The following NXPE2 variants were observed in gnomAD, a reference collection of about 807,000 sequenced individuals.
The protein encoded by NXPE2 is NXPE family member 2.
A neutral mutation model predicts 34.4 loss-of-function variants in NXPE2; 34 were observed. The observed-to-expected ratio is 0.99, with a 90% CI of 0.75 to 1.31. The LOEUF is 1.31. NXPE2 is among the 40% of genes most tolerant of loss of function. The probability of loss-of-function intolerance (pLI) is 0.00; values close to 1 mark genes in which losing one functional copy is unlikely to be tolerated. For missense variants in NXPE2, 649 were observed against 672.5 expected, an observed-to-expected ratio of 0.97 and a Z score of 0.39; for synonymous variants, 235 against 231.3, an observed-to-expected ratio of 1.02 and a Z score of -0.15.
the NXPE2 span, among the ~76,000 whole-genome samples, chr11:114,778,887 G>A: frequency 2.6e-5 from 4 of 152,192 alleles, no homozygotes; most frequent in African/African-American, 9.7e-5. Context: ...AGGGATGGAG[G>A]AGGAAGACCT....
chr11:114,663,821 T>C, the NXPE2 span, among the ~76,000 whole-genome samples: 3 of 152,092 alleles, frequency 2.0e-5, no homozygotes, highest in Admixed American at 2.0e-4. Context: ...AGATGGATCA[T>C]CCAGAAAAGA....
the NXPE2 span, chr11:114,571,037 A>C: frequency 6.2e-7 from 1 of 1,613,574 alleles, no homozygotes; most frequent in Non-Finnish European, 8.5e-7. Flanking sequence ...TATCCCAGGC[A>C]TCAATGATAC....
rs1277391262 is a variant in NXPE2 at position 114,698,310 on chromosome 11, T to A, written c.398T>A (p.Leu133Gln). 6.2e-7 allele frequency: 1 copy of A among 1,614,026 alleles called. No homozygotes were observed. The highest frequency in any genetic ancestry group is 8.5e-7 in the Non-Finnish European group (1 of 1,179,946). The change falls in exon 3 of 6, where the codon CTG (leucine) becomes CAG (glutamine). Residue 133 changes from leucine to glutamine, a missense_variant. Coordinates refer to ENST00000389586, the MANE Select transcript of NXPE2 (RefSeq NM_182495.6). ...AGGGGGGATCAGCTGGACATCCTTC[T>A]GGAGGTGAGGGACCACTTGGGACAC... ...YCRGDQLDIL[L>Q]EVRDHLGHRK...
At chr11:114,632,583 T>G in the NXPE2 span, among the ~76,000 whole-genome samples, 6 of 111,044 alleles carry the variant, frequency 5.4e-5, no homozygotes, top group Admixed American at 4.2e-4. Context: ...ATCATATATT[T>G]ATTGTATATT....
the NXPE2 span, among the ~76,000 whole-genome samples, chr11:114,622,645 G>T: frequency 2.0e-5 from 3 of 151,894 alleles, no homozygotes; most frequent in African/African-American, 7.3e-5. Context: ...GTGTTGCCTC[G>T]TGGGTAACCA....
the NXPE2 span, among the ~76,000 whole-genome samples, chr11:114,786,548 A>G: frequency 6.6e-6 from 1 of 152,184 alleles, no homozygotes; most frequent in African/African-American, 2.4e-5. Flanking sequence ...TGAGGAGTAC[A>G]GGTTGCTAAA....
At chr11:114,571,111 T>C in the NXPE2 span, 2 of 1,614,040 alleles carry the variant, frequency 1.2e-6, no homozygotes. Context: ...TGAAAGTCAC[T>C]AAATCTTTCT....
At chr11:114,489,692 T>C in the NXPE2 span, among the ~76,000 whole-genome samples, 1 of 152,228 alleles carries the variant, frequency 6.6e-6, no homozygotes, top group Non-Finnish European at 1.5e-5. Context: ...AAATTAGGTA[T>C]TGATGGGACA....
At chr11:114,571,365 A>T in the NXPE2 span, 2 of 1,614,026 alleles carry the variant, frequency 1.2e-6, no homozygotes, top group East Asian at 2.2e-5. Context: ...CATTGATCCT[A>T]TCAAGGGATA....
the NXPE2 span, among the ~76,000 whole-genome samples, chr11:114,511,200 ATGGTTGTGT>A: frequency 9.2e-5 from 14 of 152,178 alleles, no homozygotes; most frequent in African/African-American, 3.4e-4. Flanking sequence ...GCCACTAAGA[ATGGTTGTGT>A]TACACATTCT....
At chr11:114,570,441 G>A in the NXPE2 span, 2 of 153,080 alleles carry the variant, frequency 1.3e-5, no homozygotes, top group Non-Finnish European at 1.5e-5. Context: ...AGTTCCTACA[G>A]AGAGAGAAAA....
At chr11:114,523,135 A>G in the NXPE2 span, 1 of 1,388,724 alleles carries the variant, frequency 7.2e-7, no homozygotes, top group East Asian at 2.3e-5. Context: ...GGCAAAACTT[A>G]GACATCTAGC....
chr11:114,621,142 G>A, the NXPE2 span, among the ~76,000 whole-genome samples: 2 of 152,020 alleles, frequency 1.3e-5, no homozygotes, highest in South Asian at 2.1e-4. Flanking sequence ...TTGTTTCATG[G>A]GTAAACACTG....
At chr11:114,775,359 T>C in the NXPE2 span, among the ~76,000 whole-genome samples, 1 of 152,196 alleles carries the variant, frequency 6.6e-6, no homozygotes, top group African/African-American at 2.4e-5. Flanking sequence ...TGTTAAGCTC[T>C]CCTGGACTGG....
the NXPE2 span, among the ~76,000 whole-genome samples, chr11:114,637,809 TG>T: frequency 6.6e-6 from 1 of 152,074 alleles, no homozygotes; most frequent in Non-Finnish European, 1.5e-5. Context: ...TCTTCTGGCT[TG>T]TAGAGTTTCT....
chr11:114,719,602 A>G, the NXPE2 span, among the ~76,000 whole-genome samples: 1 of 152,358 alleles, frequency 6.6e-6, no homozygotes, highest in Admixed American at 6.5e-5. Context: ...GGAGTTTATA[A>G]CAGTCACAGA....
chr11:114,722,702 A>G, the NXPE2 span, among the ~76,000 whole-genome samples: 30 of 152,210 alleles, frequency 2.0e-4, no homozygotes, highest in Non-Finnish European at 3.5e-4. Flanking sequence ...GCAGTGCTGC[A>G]TATGAGCACT....
the NXPE2 span, among the ~76,000 whole-genome samples, chr11:114,804,168 T>C: frequency 6.6e-6 from 1 of 152,186 alleles, no homozygotes; most frequent in African/African-American, 2.4e-5. Context: ...TACTCCCTTT[T>C]AACTTTCCCA....
chr11:114,626,439 A>T, the NXPE2 span, among the ~76,000 whole-genome samples: 1 of 152,162 alleles, frequency 6.6e-6, no homozygotes, highest in Non-Finnish European at 1.5e-5. Flanking sequence ...GTGGCCGGGT[A>T]CTCCAACAGA....
Sources: allele counts gnomAD v4.1 joint callset (sites outside exome capture counted in the v4.1 genomes callset), GRCh38; gene constraint gnomAD v4.1.1; transcripts MANE v1.5; gene names NCBI Gene and HGNC (gene_info 2026-07-23, HGNC 2026-07-21).